GNAT3: variants seen among roughly 807,000 people sequenced by gnomAD.
GNAT3 encodes the protein G protein subunit alpha transducin 3.
A neutral mutation model predicts 37.7 loss-of-function variants in GNAT3; 31 were observed. The observed-to-expected ratio is 0.82, with a 90% confidence interval of 0.62 to 1.11. The LOEUF (loss-of-function observed/expected upper bound fraction) is 1.11, where lower values mean the gene tolerates loss of function less well. GNAT3 is among the 50% of genes most tolerant of loss of function. GNAT3 has a pLI of 0.00. For missense variants in GNAT3, 437 were observed against 412.5 expected, an observed-to-expected ratio of 1.06 and a Z score of -0.51; for synonymous variants, 138 against 139.8, an observed-to-expected ratio of 0.99 and a Z score of 0.09.
At chr7:80,465,424 C>T (rs527360965) in intron 5 of GNAT3, among the ~76,000 whole-genome samples, 4 of 152,164 alleles carry the variant, frequency 2.6e-5, no homozygotes, top group African/African-American at 9.6e-5. Context: ...CAGGAACTTG[C>T]AAGGTAGGTA....
At chr7:80,487,536 T>A (rs1277670927) in intron 3 of GNAT3, 1 of 152,148 alleles carries the variant, frequency 6.6e-6, no homozygotes, top group South Asian at 2.1e-4. Flanking sequence ...TTTTGTTTTG[T>A]TTTTGTTTTA....
chr7:80,498,262 T>C (rs536966399), intron 1 of GNAT3, among the ~76,000 whole-genome samples: 45 of 152,260 alleles, frequency 3.0e-4, no homozygotes, highest in Admixed American at 1.9e-3. Flanking sequence ...TGTTATTGTA[T>C]AACAATTATT....
At chr7:80,483,666 GA>G (rs1342215856) in intron 3 of GNAT3, among the ~76,000 whole-genome samples, 1 of 151,526 alleles carries the variant, frequency 6.6e-6, no homozygotes, top group East Asian at 1.9e-4. Flanking sequence ...AAGATGCACT[GA>G]ACAATTTGTT....
At chr7:80,494,855 G>A (rs772890164) in intron 1 of GNAT3, among the ~76,000 whole-genome samples, 10 of 151,960 alleles carry the variant, frequency 6.6e-5, no homozygotes, top group African/African-American at 2.4e-5. Flanking sequence ...GTACCCAACA[G>A]GTAATTTTTT....
chr7:80,463,665 T>A (rs1790089412), intron 5 of GNAT3, among the ~76,000 whole-genome samples: 2 of 151,890 alleles, frequency 1.3e-5, no homozygotes, highest in Admixed American at 1.3e-4. Context: ...AGCAGCCTCA[T>A]GAGGTCAGGA....
At position 80,458,795 on chromosome 7, in the gene GNAT3, T is replaced by G. The variant is rs1480445431; in HGVS notation, c.941A>C (p.Lys314Thr). ...KNQFLDLNLK[K>T]EDKEIYSHMT... Reference sequence around the variant, plus strand: ...GTGGGAATAAATTTCCTTATCTTCTTTTTTTAAATTCAGGTCTAGAAACTG... The same window carrying G: ...GTGGGAATAAATTTCCTTATCTTCTGTTTTTAAATTCAGGTCTAGAAACTG... Residue 314 changes from lysine to threonine, a missense_variant, in exon 8 of 8, where the codon AAA becomes ACA. Coordinates refer to ENST00000398291, the MANE Select transcript of GNAT3 (RefSeq NM_001102386.3). 1 of 1,596,802 alleles carries G rather than the reference T, an allele frequency of 6.3e-7. No individual in the cohort carries two copies. The highest frequency in any genetic ancestry group is 2.2e-5 in the East Asian group (1 of 44,570).
intron 4 of GNAT3, among the ~76,000 whole-genome samples, chr7:80,476,872 T>TTTA (rs1284699552): frequency 1.3e-5 from 2 of 151,938 alleles, no homozygotes; most frequent in Non-Finnish European, 2.9e-5. Context: ...AAAAAACCAC[T>TTTA]TTATTATTAT....
chr7:80,481,405 C>T (rs1002873729), intron 3 of GNAT3, among the ~76,000 whole-genome samples: 1 of 152,082 alleles, frequency 6.6e-6, no homozygotes, highest in Non-Finnish European at 1.5e-5. Context: ...TTAGGCCCTC[C>T]TCCCTTTGGA....
intron 3 of GNAT3, among the ~76,000 whole-genome samples, chr7:80,479,615 G>A (rs1790358118): frequency 6.6e-6 from 1 of 151,236 alleles, no homozygotes; most frequent in Non-Finnish European, 1.5e-5. Flanking sequence ...GGAGGCTGAG[G>A]TGGGAGAATT....
At chr7:80,496,877 A>G (rs1056940503) in intron 1 of GNAT3, among the ~76,000 whole-genome samples, 4 of 151,240 alleles carry the variant, frequency 2.6e-5, no homozygotes, top group Non-Finnish European at 5.9e-5. Context: ...GGTCATAGCC[A>G]TATGTAAATA....
At chr7:80,474,523 A>G in intron 4 of GNAT3, 144 bp from the exon 5 acceptor site, 1 of 376,366 alleles carries the variant, frequency 2.7e-6, no homozygotes, top group Non-Finnish European at 4.6e-6. Context: ...ACCAGGATTC[A>G]GTAGAAATGA....
intron 3 of GNAT3, among the ~76,000 whole-genome samples, chr7:80,487,454 T>C (rs867067265): frequency 1.3e-5 from 2 of 152,168 alleles, no homozygotes; most frequent in African/African-American, 4.8e-5. Flanking sequence ...ATTTCCTTGT[T>C]CTTTGAAGAA....
At position 80,467,807 on chromosome 7, in the gene GNAT3, T is replaced by C. The variant is rs189668051; in HGVS notation, c.591-5176A>G. Reference sequence around the variant, plus strand: ...TGGATTGGTCAAATATAATAGATTATTAATGAGGGAAATGGACATGCTTGA... The same window carrying C: ...TGGATTGGTCAAATATAATAGATTACTAATGAGGGAAATGGACATGCTTGA... On this transcript the variant is annotated intron_variant, in intron 5 of 7. Transcript: ENST00000398291. Among the ~76,000 whole-genome samples the C allele has an allele frequency of 2.4e-3, 368 of 152,176 alleles. 16 individuals are homozygous for C. In the South Asian group the frequency reaches 0.057, roughly 24 times the overall value.
chr7:80,507,095 A>G (rs1790959703), intron 1 of GNAT3, among the ~76,000 whole-genome samples: 1 of 152,214 alleles, frequency 6.6e-6, no homozygotes, highest in South Asian at 2.1e-4. Flanking sequence ...GTTGTTAAGA[A>G]GATTCTTCTT....
At chr7:80,497,791 T>A (rs950276570) in intron 1 of GNAT3, among the ~76,000 whole-genome samples, 9 of 151,904 alleles carry the variant, frequency 5.9e-5, no homozygotes, top group African/African-American at 2.2e-4. Context: ...TGTTGTATTT[T>A]GTTCAACCAA....
chr7:80,496,707 C>G (rs1436357097), intron 1 of GNAT3, among the ~76,000 whole-genome samples: 1 of 152,194 alleles, frequency 6.6e-6, no homozygotes, highest in East Asian at 1.9e-4. Context: ...TTCTTTGACT[C>G]ATACTTCAGA....
chr7:80,470,931 G>C (rs1790203829), intron 5 of GNAT3, among the ~76,000 whole-genome samples: 1 of 151,586 alleles, frequency 6.6e-6, no homozygotes, highest in Admixed American at 6.6e-5. Flanking sequence ...TGTCTGTGAG[G>C]GTGTTGCCAA....
At chr7:80,497,522 G>GTT (rs1790738023) in intron 1 of GNAT3, among the ~76,000 whole-genome samples, 1 of 147,834 alleles carries the variant, frequency 6.8e-6, no homozygotes, top group Non-Finnish European at 1.5e-5. Context: ...AGAATATCTT[G>GTT]TTTCTCTCTC....
intron 5 of GNAT3, among the ~76,000 whole-genome samples, chr7:80,466,782 T>C (rs2116146942): frequency 6.6e-6 from 1 of 152,298 alleles, no homozygotes; most frequent in East Asian, 1.9e-4. Context: ...AATGGCTATG[T>C]CTTAATTTGC....
Sources: gnomAD v4.1 joint callset for allele counts (sites outside exome capture counted in the v4.1 genomes callset) on GRCh38, gnomAD v4.1.1 for gene constraint, MANE v1.5 for transcripts, NCBI Gene and HGNC (gene_info 2026-07-23, HGNC 2026-07-21) for gene names.